MAP4K4: variants seen among roughly 807,000 people sequenced by gnomAD.
The protein encoded by MAP4K4 is HPK/GCK-like kinase HGK.
A neutral mutation model predicts 189.6 loss-of-function variants in MAP4K4; 38 were observed. The observed-to-expected ratio is 0.20, with a 90% CI of 0.15 to 0.26. MAP4K4 has a LOEUF of 0.26. Ranked by LOEUF, MAP4K4 falls within the 10% of genes least tolerant of loss-of-function variation. The probability of loss-of-function intolerance (pLI) is 1.00; values close to 1 mark genes in which losing one functional copy is unlikely to be tolerated. For missense variants in MAP4K4, 1,054 were observed against 1,726.9 expected, an observed-to-expected ratio of 0.61 and a Z score of 6.91; for synonymous variants, 610 against 624.3, an observed-to-expected ratio of 0.98 and a Z score of 0.34.
exon 31 of MAP4K4, chr2:101,887,830 G>A: frequency 6.2e-7 from 1 of 1,613,340 alleles, no homozygotes; most frequent in Non-Finnish European, 8.5e-7. Context: ...AATACAGATG[G>A]AATGGAGCTT....
intron 21 of MAP4K4, among the ~76,000 whole-genome samples, chr2:101,868,686 C>T (rs1040950011): frequency 6.6e-6 from 1 of 152,218 alleles, no homozygotes; most frequent in African/African-American, 2.4e-5. Context: ...TAGGGACGCC[C>T]ACAGCCTCCT....
At chr2:101,814,344 G>A (rs933659693) in intron 3 of MAP4K4, among the ~76,000 whole-genome samples, 2 of 152,126 alleles carry the variant, frequency 1.3e-5, no homozygotes, top group African/African-American at 4.8e-5. Context: ...GTCTTTTTGA[G>A]TAACTTCTGT....
intron 2 of MAP4K4, among the ~76,000 whole-genome samples, chr2:101,755,441 G>A (rs1482244022): frequency 6.6e-6 from 1 of 152,108 alleles, no homozygotes; most frequent in Non-Finnish European, 1.5e-5. Context: ...AGAAACTCTT[G>A]TGGAAGAAAA....
At chr2:101,789,701 G>A (rs558037971) in intron 2 of MAP4K4, among the ~76,000 whole-genome samples, 46 of 152,280 alleles carry the variant, frequency 3.0e-4, no homozygotes, top group African/African-American at 1.1e-3. Context: ...TACATCTGTT[G>A]CAGAAGGACC....
intron 2 of MAP4K4, among the ~76,000 whole-genome samples, chr2:101,790,313 A>G (rs2092643612): frequency 6.6e-6 from 1 of 152,112 alleles, no homozygotes; most frequent in Non-Finnish European, 1.5e-5. Context: ...AGGATGGCCA[A>G]CATGATTTGT....
chr2:101,820,781 GTGA>G (rs2096004366), intron 3 of MAP4K4, among the ~76,000 whole-genome samples: 1 of 152,198 alleles, frequency 6.6e-6, no homozygotes, highest in South Asian at 2.1e-4. Context: ...ACCACTGGGA[GTGA>G]GTTGTGGTGA....
chr2:101,864,441 G>A (rs189690778), intron 17 of MAP4K4, among the ~76,000 whole-genome samples: 1 of 152,254 alleles, frequency 6.6e-6, no homozygotes, highest in African/African-American at 2.4e-5. Flanking sequence ...CTTTTTAAAT[G>A]TAGGGGATTT....
At chr2:101,794,829 T>G (rs2093492591) in intron 3 of MAP4K4, among the ~76,000 whole-genome samples, 2 of 152,018 alleles carry the variant, frequency 1.3e-5, no homozygotes. Flanking sequence ...TTTTTATTTT[T>G]AAAGAAAATT....
At chr2:101,885,949 C>T (rs939037257) in intron 29 of MAP4K4, among the ~76,000 whole-genome samples, 2 of 152,176 alleles carry the variant, frequency 1.3e-5, no homozygotes, top group African/African-American at 4.8e-5. Context: ...ATATACCTCA[C>T]ATTGCCTGGT....
intron 6 of MAP4K4, among the ~76,000 whole-genome samples, chr2:101,831,229 A>T (rs1413174333): frequency 2.0e-5 from 3 of 152,020 alleles, no homozygotes; most frequent in Admixed American, 1.3e-4. Flanking sequence ...TTGTTTGTGA[A>T]TATGTGATTT....
intron 3 of MAP4K4, among the ~76,000 whole-genome samples, chr2:101,791,634 C>G (rs940618094): frequency 6.6e-6 from 1 of 152,164 alleles, no homozygotes; most frequent in Non-Finnish European, 1.5e-5. Flanking sequence ...CATAACTTCC[C>G]CAAGTCTGGG....
chr2:101,829,728 G>A (rs2096533271), intron 6 of MAP4K4, 134 bp downstream of exon 6: 1 of 645,778 alleles, frequency 1.5e-6, no homozygotes, highest in Non-Finnish European at 2.8e-6. Context: ...TAAGAATGTG[G>A]GAACTGAGCA....
intron 2 of MAP4K4, among the ~76,000 whole-genome samples, chr2:101,779,248 A>G (rs2086005616): frequency 6.6e-6 from 1 of 152,136 alleles, no homozygotes; most frequent in South Asian, 2.1e-4. Flanking sequence ...AGGGAAGCAT[A>G]AAGCTCATCA....
intron 2 of MAP4K4, among the ~76,000 whole-genome samples, chr2:101,741,164 AT>A (rs11341237): frequency 0.35 from 39,129 of 111,314 alleles, 5,274 homozygotes; most frequent in East Asian, 0.45. Context: ...GGTAGTAGGT[AT>A]TTTTTTTTTT....
intron 2 of MAP4K4, among the ~76,000 whole-genome samples, chr2:101,745,334 C>CG (rs1363451825): frequency 3.1e-5 from 4 of 129,986 alleles, no homozygotes; most frequent in African/African-American, 1.3e-4. Context: ...TATCACCCCC[C>CG]CCCCCCCAAT....
At chr2:101,717,825 A>T (rs2149393764) in intron 2 of MAP4K4, among the ~76,000 whole-genome samples, 1 of 152,340 alleles carries the variant, frequency 6.6e-6, no homozygotes, top group Middle Eastern at 3.4e-3. Flanking sequence ...GTATAGAGAA[A>T]ATAGGATGAC....
chr2:101,831,491 C>T (rs1040449290), intron 6 of MAP4K4, among the ~76,000 whole-genome samples: 1 of 150,688 alleles, frequency 6.6e-6, no homozygotes, highest in Admixed American at 6.7e-5. Context: ...CAGCCAGATC[C>T]AGGCCTCACA....
intron 23 of MAP4K4, among the ~76,000 whole-genome samples, chr2:101,871,149 G>C (rs1372914967): frequency 2.6e-5 from 4 of 152,000 alleles, no homozygotes; most frequent in Non-Finnish European, 4.4e-5. Context: ...AAAAGACCAG[G>C]ATTCAGAGAA....
chr2:101,715,860 G>C (rs916431253), intron 2 of MAP4K4, among the ~76,000 whole-genome samples: 1 of 152,134 alleles, frequency 6.6e-6, no homozygotes, highest in South Asian at 2.1e-4. Flanking sequence ...ATTTATAGCC[G>C]CTCCCCATTG....
Sources: allele counts gnomAD v4.1 joint callset (sites outside exome capture counted in the v4.1 genomes callset), GRCh38; gene constraint gnomAD v4.1.1; transcripts MANE v1.5; gene names NCBI Gene and HGNC (gene_info 2026-07-23, HGNC 2026-07-21).